Variants in RTN1 observed in about 807,000 individuals in gnomAD.
RTN1 encodes reticulon-1.
Under a neutral mutation model 65.5 loss-of-function variants are expected in RTN1, and 25 were observed. The ratio of observed to expected loss-of-function variants is 0.38; its 90% confidence interval spans 0.28 to 0.53. The LOEUF (loss-of-function observed/expected upper bound fraction) is 0.53, where lower values mean the gene tolerates loss of function less well. Among genes scored for constraint, RTN1 ranks in the 20% least tolerant of loss-of-function variants. The pLI, the probability that RTN1 is intolerant of heterozygous loss-of-function variation, is 0.79. For synonymous variants in RTN1, 471 were observed against 447.6 expected (o/e 1.05, Z -0.66); for missense variants, 983 against 1,025.4 (o/e 0.96, Z 0.57).
chr14:59,844,049 C>A (rs1253996110), intron 1 of RTN1, among the ~76,000 whole-genome samples: 1 of 152,172 alleles, frequency 6.6e-6, no homozygotes, highest in East Asian at 1.9e-4. Flanking sequence ...TTGCTCCCTG[C>A]CTCTTTGTGA....
At chr14:59,640,324 T>A (rs59087502) in intron 3 of RTN1, among the ~76,000 whole-genome samples, 4,166 of 152,236 alleles carry the variant, frequency 0.027, 170 homozygotes, top group African/African-American at 0.089. Context: ...TTAATTTATT[T>A]ATTTATTTTT....
Position 59,596,599 on chromosome 14 carries a change from A to T in RTN1, c.*146T>A. 1 of 684,774 alleles carries T rather than the reference A, an allele frequency of 1.5e-6. No homozygotes were observed. 42.4% of individuals were successfully genotyped at this position (684,774 alleles called of 1,614,324 possible). A position where few individuals can be genotyped will look rare whatever the true frequency, so the allele number is the denominator to read the frequency against. ...ATCCTAAGAGTACAAGGAACAGCCT[A>T]AAAACAGCTGTTTTAAGGTTTGTCT... On this transcript the variant is annotated 3_prime_UTR_variant, in exon 9 of 9. Coordinates refer to ENST00000267484, the MANE Select transcript of RTN1 (RefSeq NM_021136.3).
chr14:59,835,696 C>A (rs964557971), intron 1 of RTN1, among the ~76,000 whole-genome samples: 4 of 152,066 alleles, frequency 2.6e-5, no homozygotes, highest in African/African-American at 9.7e-5. Flanking sequence ...GGTTCTACCC[C>A]CTGAACCAAC....
chr14:59,703,790 A>G (rs1284075390), intron 3 of RTN1, among the ~76,000 whole-genome samples: 3 of 152,330 alleles, frequency 2.0e-5, no homozygotes, highest in African/African-American at 4.8e-5. Flanking sequence ...CCAGCTATCT[A>G]TCTATCTATA....
chr14:59,609,684 G>A (rs188508764), intron 3 of RTN1, among the ~76,000 whole-genome samples: 1 of 152,248 alleles, frequency 6.6e-6, no homozygotes, highest in African/African-American at 2.4e-5. Context: ...TTGACGGTCC[G>A]GGGCCTCCAG....
chr14:59,863,280 A>C (rs1383396667), intron 1 of RTN1, among the ~76,000 whole-genome samples: 1 of 152,172 alleles, frequency 6.6e-6, no homozygotes, highest in Non-Finnish European at 1.5e-5. Flanking sequence ...CTTTATAACA[A>C]AACTCCCCCA....
At chr14:59,695,430 A>T (rs137950509) in intron 3 of RTN1, among the ~76,000 whole-genome samples, 2 of 152,290 alleles carry the variant, frequency 1.3e-5, no homozygotes, top group East Asian at 3.9e-4. Context: ...CCTAAACGTG[A>T]CTGTGTGGCT....
chr14:59,750,361 ATATAT>A (rs1397959143), intron 1 of RTN1, among the ~76,000 whole-genome samples: 3 of 27,402 alleles, frequency 1.1e-4, no homozygotes, highest in African/African-American at 2.2e-4. Flanking sequence ...TATTATATCT[ATATAT>A]TATATCTATA....
chr14:59,685,749 G>C (rs1382273464), intron 3 of RTN1, among the ~76,000 whole-genome samples: 1 of 152,110 alleles, frequency 6.6e-6, no homozygotes, highest in Non-Finnish European at 1.5e-5. Context: ...CCCAAAAGCA[G>C]TCTACAGATT....
chr14:59,659,557 C>G (rs1346136554), intron 3 of RTN1, among the ~76,000 whole-genome samples: 1 of 152,308 alleles, frequency 6.6e-6, no homozygotes, highest in South Asian at 2.1e-4. Context: ...AGAAACCCCA[C>G]AAGCCAGAAG....
rs544426639 is a variant in RTN1, at chr14:59,625,913, T to C, written c.1766-18421A>G. Among the ~76,000 whole-genome samples the C allele has an allele frequency of 2.6e-5, 4 of 152,314 alleles. No individual in the cohort carries two copies. In the East Asian group the frequency reaches 7.7e-4, roughly 29 times the overall value. ...TTATCTGCATAATACGAGTTTTCTT[T>C]CACTAAGGGGGAAAAAAAATCCCCT... is the stretch of plus-strand genomic sequence containing the variant. On this transcript the variant is annotated intron_variant, in intron 3 of 8. Transcript: ENST00000267484.
At chr14:59,695,304 C>T (rs980084032) in intron 3 of RTN1, among the ~76,000 whole-genome samples, 4 of 152,168 alleles carry the variant, frequency 2.6e-5, no homozygotes, top group Admixed American at 6.5e-5. Flanking sequence ...GAACAAACAA[C>T]TATACAACCT....
At chr14:59,763,783 G>T (rs905636227) in intron 1 of RTN1, among the ~76,000 whole-genome samples, 4 of 151,916 alleles carry the variant, frequency 2.6e-5, no homozygotes. Context: ...CACCTGCCTC[G>T]GCCTCCCAAA....
At chr14:59,773,982 T>C (rs1029770959) in intron 1 of RTN1, among the ~76,000 whole-genome samples, 10 of 152,224 alleles carry the variant, frequency 6.6e-5, no homozygotes, top group African/African-American at 2.2e-4. Flanking sequence ...TTTCTCTCTT[T>C]CATGTGATTA....
chr14:59,701,067 A>T (rs1884168079), intron 3 of RTN1, among the ~76,000 whole-genome samples: 1 of 152,186 alleles, frequency 6.6e-6, no homozygotes, highest in South Asian at 2.1e-4. Context: ...ATTTGAATAA[A>T]CATTTCTGCA....
At chr14:59,792,972 C>T (rs953944587) in intron 1 of RTN1, among the ~76,000 whole-genome samples, 10 of 152,074 alleles carry the variant, frequency 6.6e-5, no homozygotes, top group African/African-American at 2.2e-4. Flanking sequence ...CAAGGTAATA[C>T]AACAATGAAA....
Position 59,672,625 on chromosome 14 carries a change from C to CTTTTTTTT in RTN1, c.1765+54286_1765+54293dup, listed in dbSNP as rs71111662. Among the ~76,000 whole-genome samples the CTTTTTTTT allele has an allele frequency of 3.9e-4, 31 of 79,104 alleles. 8 individuals are homozygous for CTTTTTTTT. The highest frequency in any genetic ancestry group is 8.0e-4 in the African/African-American group (19 of 23,776). The allele number at this position is 79,104 out of a possible 152,430, so 51.9% of individuals were successfully genotyped here. Reference sequence around the variant, plus strand: ...TTGAATGAATGAATACAAGATATTTCTTTTTTTTTTTTTTTTTTTTTTTTT... The same window carrying CTTTTTTTT: ...TTGAATGAATGAATACAAGATATTTCTTTTTTTTTTTTTTTTTTTTTTTTTTTTTTTTT... On this transcript the variant is annotated intron_variant, in intron 3 of 8. Transcript: ENST00000267484.
At chr14:59,663,908 G>A (rs1883306460) in intron 3 of RTN1, among the ~76,000 whole-genome samples, 2 of 152,132 alleles carry the variant, frequency 1.3e-5, no homozygotes, top group Admixed American at 1.3e-4. Context: ...AGATAGTGTG[G>A]CGATTCCTCA....
intron 1 of RTN1, among the ~76,000 whole-genome samples, chr14:59,749,483 ATATAT>A (rs1885356298): frequency 1.4e-5 from 1 of 69,534 alleles, no homozygotes; most frequent in Non-Finnish European, 2.3e-5. Flanking sequence ...CTATATATCT[ATATAT>A]ATCTATATAT....
Sources: allele counts gnomAD v4.1 joint callset (sites outside exome capture counted in the v4.1 genomes callset), GRCh38; gene constraint gnomAD v4.1.1; transcripts MANE v1.5; gene names NCBI Gene and HGNC (gene_info 2026-07-23, HGNC 2026-07-21).